The following GABPA variants were observed in gnomAD, a reference collection of about 807,000 sequenced individuals.
The protein encoded by GABPA is GA-binding protein alpha chain.
In GABPA, 4 loss-of-function variants were observed where a neutral mutation model predicts 59.4. The ratio of observed to expected loss-of-function variants is 0.07; its 90% CI spans 0.03 to 0.15. The LOEUF (loss-of-function observed/expected upper bound fraction) is 0.15. Among genes scored for constraint, GABPA ranks in the 10% least tolerant of loss-of-function variants. The pLI is 1.00. For synonymous variants in GABPA, 164 were observed against 183.1 expected (o/e 0.90, Z 0.84); for missense variants, 251 against 543.8 (o/e 0.46, Z 5.36).
At chr21:25,744,951 T>C (rs1239968186) in intron 2 of GABPA, among the ~76,000 whole-genome samples, 1 of 152,192 alleles carries the variant, frequency 6.6e-6, no homozygotes, top group Admixed American at 6.5e-5. Flanking sequence ...TGTGTACACA[T>C]ACACACATAT....
At position 25,735,578 on chromosome 21, in the gene GABPA, G is replaced by A. The variant is rs1302912314; in HGVS notation, c.-27G>A. On this transcript the variant is annotated splice_region_variant and 5_prime_UTR_variant, in exon 1 of 10. Coordinates refer to ENST00000400075, the MANE Select transcript of GABPA (RefSeq NM_002040.4). ...GGGCGACAGGGCCGATTCCGGAGTG[G>A]GTGAGTGCGGCCGCCGGGGAGGAGG... 1.3e-5 allele frequency: 2 copies of A among 152,778 alleles called. No homozygotes were observed. The highest frequency in any genetic ancestry group is 2.9e-5 in the Non-Finnish European group (2 of 68,102). The allele number at this position is 152,778 out of a possible 1,614,324, so 9.5% of individuals were successfully genotyped here.
In GABPA at chr21:25,735,029, G is replaced by A; in HGVS notation, c.-576G>A. On this transcript the variant is annotated 5_prime_UTR_variant, in exon 1 of 10. Transcript: ENST00000400075. Reference sequence around the variant, plus strand: ...TCGGAGACAGTCTGCGACCGGACGGGTCTAGGTGAGACAGAAGCCAAACAG... The same window carrying A: ...TCGGAGACAGTCTGCGACCGGACGGATCTAGGTGAGACAGAAGCCAAACAG... 6.7e-7 allele frequency: 1 copy of A among 1,488,526 alleles called. No individual in the cohort carries two copies. Among genetic ancestry groups the A allele is most frequent in the Non-Finnish European group, 9.1e-7 (1 of 1,097,336 alleles). 92.2% of individuals were successfully genotyped at this position (1,488,526 alleles called of 1,614,324 possible). A position where few individuals can be genotyped will look rare whatever the true frequency, so the allele number is the denominator to read the frequency against.
chr21:25,762,449 T>TA, intron 7 of GABPA, 84 bp downstream of exon 7: 1 of 1,035,702 alleles, frequency 9.7e-7, no homozygotes, highest in Non-Finnish European at 1.4e-6. Context: ...GAAAATTATT[T>TA]AAAAAAATTT....
intron 6 of GABPA, among the ~76,000 whole-genome samples, chr21:25,759,655 C>A (rs2035719983): frequency 6.6e-6 from 1 of 152,028 alleles, no homozygotes; most frequent in Non-Finnish European, 1.5e-5. Flanking sequence ...GTATTTGCAG[C>A]ATTTATTTCC....
At chr21:25,748,393 G>A (rs1205866644) in intron 3 of GABPA, among the ~76,000 whole-genome samples, 2 of 152,192 alleles carry the variant, frequency 1.3e-5, no homozygotes, top group African/African-American at 2.4e-5. Context: ...GCTGATGACA[G>A]AAAGTGTCTG....
chr21:25,736,152 T>G (rs2035051997), intron 1 of GABPA, among the ~76,000 whole-genome samples: 1 of 152,204 alleles, frequency 6.6e-6, no homozygotes, highest in Non-Finnish European at 1.5e-5. Flanking sequence ...TTGGAAATTT[T>G]TTTGTGTACT....
chr21:25,738,319 CTGAGT>C (rs1356017658), intron 1 of GABPA, among the ~76,000 whole-genome samples: 4 of 152,068 alleles, frequency 2.6e-5, no homozygotes, highest in African/African-American at 9.7e-5. Flanking sequence ...TCTTTGTATC[CTGAGT>C]TATTTTGGTT....
At chr21:25,750,847 A>G (rs1194939446) in intron 4 of GABPA, among the ~76,000 whole-genome samples, 2 of 152,202 alleles carry the variant, frequency 1.3e-5, no homozygotes, top group East Asian at 3.9e-4. Context: ...TGAAATCTAG[A>G]TGAAGGATTA....
intron 3 of GABPA, among the ~76,000 whole-genome samples, chr21:25,746,357 T>C (rs1247002644): frequency 6.6e-6 from 1 of 152,206 alleles, no homozygotes; most frequent in Non-Finnish European, 1.5e-5. Flanking sequence ...TAATGTATAT[T>C]GTTTCATCTT....
chr21:25,766,024 T>A (rs1408599861), intron 9 of GABPA, among the ~76,000 whole-genome samples: 1 of 151,992 alleles, frequency 6.6e-6, no homozygotes. Flanking sequence ...CACAGGATAT[T>A]GAGACTGACT....
chr21:25,764,466 A>C (rs542820957), intron 8 of GABPA, 116 bp downstream of exon 8: 2 of 1,421,970 alleles, frequency 1.4e-6, no homozygotes, highest in East Asian at 4.9e-5. Flanking sequence ...GTTTTTAGAC[A>C]GCATTTCTAG....
Position 25,735,028 on chromosome 21 carries a change from G to A in GABPA, c.-577G>A, listed in dbSNP as rs1814122150. 8.7e-6 allele frequency: 13 copies of A among 1,499,236 alleles called. No homozygotes were observed. Among genetic ancestry groups the A allele is most frequent in the Non-Finnish European group, 1.2e-5 (13 of 1,106,916 alleles). The allele number at this position is 1,499,236 out of a possible 1,614,324, so 92.9% of individuals were successfully genotyped here. A position where few individuals can be genotyped will look rare whatever the true frequency, so the allele number is the denominator to read the frequency against. On this transcript the variant is annotated 5_prime_UTR_variant, in exon 1 of 10. Coordinates refer to ENST00000400075, the MANE Select transcript of GABPA (RefSeq NM_002040.4). ...CTCGGAGACAGTCTGCGACCGGACG[G>A]GTCTAGGTGAGACAGAAGCCAAACA...
At chr21:25,766,215 T>C (rs1321062879) in intron 9 of GABPA, among the ~76,000 whole-genome samples, 1 of 151,980 alleles carries the variant, frequency 6.6e-6, no homozygotes, top group Middle Eastern at 3.2e-3. Flanking sequence ...GATAATTTAC[T>C]CTCCATCTCT....
intron 1 of GABPA, among the ~76,000 whole-genome samples, chr21:25,739,253 A>C (rs1441088705): frequency 1.3e-5 from 2 of 152,216 alleles, no homozygotes; most frequent in Non-Finnish European, 2.9e-5. Flanking sequence ...GGAGATATTG[A>C]GAACTTAGGA....
intron 1 of GABPA, among the ~76,000 whole-genome samples, chr21:25,737,328 C>T (rs749174639): frequency 4.6e-5 from 7 of 152,196 alleles, no homozygotes; most frequent in Non-Finnish European, 1.0e-4. Flanking sequence ...ATAAGACTCA[C>T]TCAAAAACTG....
chr21:25,762,312 A>G lies in GABPA; in HGVS notation c.749A>G (p.Tyr250Cys), dbSNP rs2035783570. Residue 250 changes from tyrosine to cysteine, a missense_variant and splice_region_variant, in exon 7 of 10, where the codon TAT becomes TGT. Tyr to Cys is a radical substitution (Grantham distance 194, BLOSUM62 -2). This residue lies in a region of GABPA where 207 missense variants were observed against 366.7 expected (regional missense o/e 0.56). Transcript: ENST00000400075. ...LWSHLELLRK[Y>C]VLASQEQQMN... ...AACAAAAAATTTTTGTTTTTTTCAGATGTATTGGCAAGTCAAGAACAACAG... is the reference window on the plus strand; with the variant it reads ...AACAAAAAATTTTTGTTTTTTTCAGGTGTATTGGCAAGTCAAGAACAACAG... 1.3e-6 allele frequency: 2 copies of G among 1,550,620 alleles called. No homozygotes were observed.
intron 5 of GABPA, 42 bp downstream of exon 5, chr21:25,752,276 A>G (rs1402371212): frequency 6.3e-7 from 1 of 1,590,128 alleles, no homozygotes. Flanking sequence ...AATAATAGGA[A>G]TTAAGCTTGA....
chr21:25,764,844 G>A (rs2035851721), intron 9 of GABPA, 57 bp downstream of exon 9: 16 of 1,303,298 alleles, frequency 1.2e-5, no homozygotes, highest in Admixed American at 5.6e-5. Flanking sequence ...CTAAAAAATA[G>A]TTTCTTATTC....
chr21:25,763,558 T>C (rs1172456116), intron 7 of GABPA, among the ~76,000 whole-genome samples: 2 of 152,174 alleles, frequency 1.3e-5, no homozygotes, highest in Non-Finnish European at 2.9e-5. Flanking sequence ...TATTTTATAT[T>C]TTTACCAACT....
Sources: gnomAD v4.1 joint callset for allele counts (sites outside exome capture counted in the v4.1 genomes callset) on GRCh38, gnomAD v4.1.1 for gene constraint, gnomAD v4.1.1 regional missense constraint, MANE v1.5 for transcripts, NCBI Gene and HGNC (gene_info 2026-07-23, HGNC 2026-07-21) for gene names.